Variants in KIF26B observed in about 807,000 individuals in gnomAD.
KIF26B encodes the protein kinesin-like protein KIF26B.
Under a neutral mutation model 151.2 loss-of-function variants are expected in KIF26B, and 63 were observed. The observed-to-expected ratio is 0.42, with a 90% CI of 0.34 to 0.51. The LOEUF is 0.51. KIF26B is among the 20% of genes least tolerant of loss of function. The pLI, the probability that KIF26B is intolerant of heterozygous loss-of-function variation, is 0.07. For synonymous variants in KIF26B, 1,357 were observed against 1,262.1 expected, an observed-to-expected ratio of 1.08 and a Z score of -1.59; for missense variants, 2,813 against 2,913.6, an observed-to-expected ratio of 0.97 and a Z score of 0.79.
chr1:245,593,309 T>C (rs1422477859), intron 5 of KIF26B, among the ~76,000 whole-genome samples: 6 of 152,150 alleles, frequency 3.9e-5, no homozygotes, highest in African/African-American at 7.2e-5. Flanking sequence ...CTCCTAATGC[T>C]ATCCCTCCCC....
chr1:245,157,966 T>C (rs986344421), intron 2 of KIF26B, among the ~76,000 whole-genome samples: 1 of 152,254 alleles, frequency 6.6e-6, no homozygotes, highest in African/African-American at 2.4e-5. Flanking sequence ...GGTCCATTCA[T>C]GCAGTCCTTG....
intron 4 of KIF26B, among the ~76,000 whole-genome samples, chr1:245,427,900 A>G (rs529874483): frequency 6.6e-6 from 1 of 152,262 alleles, no homozygotes; most frequent in East Asian, 1.9e-4. Flanking sequence ...GGTCGGGGCC[A>G]ACATGCATAA....
At chr1:245,533,929 A>G (rs1409703089) in intron 4 of KIF26B, among the ~76,000 whole-genome samples, 3 of 151,778 alleles carry the variant, frequency 2.0e-5, no homozygotes, top group Non-Finnish European at 1.5e-5. Context: ...GATCTGGCCA[A>G]TGAGAGCAAG....
chr1:245,446,526 G>A (rs1164940553), intron 4 of KIF26B, among the ~76,000 whole-genome samples: 1 of 152,176 alleles, frequency 6.6e-6, no homozygotes, highest in African/African-American at 2.4e-5. Context: ...GGCTCAGGAA[G>A]GCATCGTGTC....
At chr1:245,525,103 T>C (rs972166557) in intron 4 of KIF26B, among the ~76,000 whole-genome samples, 9 of 152,110 alleles carry the variant, frequency 5.9e-5, no homozygotes, top group African/African-American at 1.2e-4. Flanking sequence ...TGCACCTCCC[T>C]GGGTCATCTC....
chr1:245,613,154 A>G (rs1020987165), intron 9 of KIF26B, among the ~76,000 whole-genome samples: 1 of 152,194 alleles, frequency 6.6e-6, no homozygotes, highest in Non-Finnish European at 1.5e-5. Flanking sequence ...ACTGGCTCCC[A>G]GCGCTTTCTG....
rs571410332 is a variant in KIF26B, at chr1:245,496,132, A to G, written c.1167-44635A>G. ...CAGGAAGGAATGAAAGCTGACAGAA[A>G]GGGTCAACATGTGGTTAAGTTCAAA... is the stretch of plus-strand genomic sequence containing the variant. On this transcript the variant is annotated intron_variant, in intron 4 of 14. Coordinates refer to ENST00000407071, the MANE Select transcript of KIF26B (RefSeq NM_018012.4). Among the ~76,000 whole-genome samples, 15 of 152,354 alleles carry G rather than the reference A, an allele frequency of 9.8e-5. No homozygotes were observed. In the East Asian group the frequency reaches 2.9e-3, roughly 29 times the overall value.
rs181984858 is a variant in KIF26B, at chr1:245,427,333, C to T, written c.1166+7588C>T. 4.5e-4 allele frequency among the ~76,000 whole-genome samples: 68 copies of T among 152,282 alleles called. 1 individual carries two copies. The highest frequency in any genetic ancestry group is 1.6e-3 in the African/African-American group (65 of 41,576). On this transcript the variant is annotated intron_variant, in intron 4 of 14. Coordinates refer to ENST00000407071, the MANE Select transcript of KIF26B (RefSeq NM_018012.4). Reference sequence around the variant, plus strand: ...CCTTTACAAAAACAAACAGGCCAGGCGTGGTGGCTCACACCTGTAATCCCA... The same window carrying T: ...CCTTTACAAAAACAAACAGGCCAGGTGTGGTGGCTCACACCTGTAATCCCA...
At chr1:245,257,125 G>A (rs922774728) in intron 2 of KIF26B, among the ~76,000 whole-genome samples, 5 of 152,006 alleles carry the variant, frequency 3.3e-5, no homozygotes, top group African/African-American at 1.2e-4. Flanking sequence ...ATTGATTCCA[G>A]GTCTTTAGAT....
chr1:245,532,401 A>G (rs897528223), intron 4 of KIF26B, among the ~76,000 whole-genome samples: 18 of 151,608 alleles, frequency 1.2e-4, no homozygotes, highest in South Asian at 4.2e-4. Flanking sequence ...GCCCGCCACC[A>G]TGCCCAGCTA....
chr1:245,510,576 T>TTCTCTCTCTCTCTC lies in KIF26B; in HGVS notation c.1167-30165_1167-30152dup, dbSNP rs4021193. On this transcript the variant is annotated intron_variant, in intron 4 of 14. Transcript: ENST00000407071. The stretch of plus-strand genomic sequence containing the variant: ...TCTCGGCTGTCTCTTTTAGCAGAGC[T>TTCTCTCTCTCTCTC]TCTCTCTCTCTCTCTCTCTCTCTCT... Among the ~76,000 whole-genome samples, 87 of 134,100 alleles carry TTCTCTCTCTCTCTC rather than the reference T, an allele frequency of 6.5e-4. 1 individual carries two copies. The highest frequency in any genetic ancestry group is 2.1e-3 in the African/African-American group (73 of 33,998). The allele number at this position is 134,100 out of a possible 152,430, so 88.0% of individuals were successfully genotyped here. A position where few individuals can be genotyped will look rare whatever the true frequency, so the allele number is the denominator to read the frequency against.
At position 245,620,008 on chromosome 1, in the gene KIF26B, C is replaced by T. The variant is rs531193995; in HGVS notation, c.2098+8032C>T. ...AGTAAGACCACCCAATTACCTTTCA[C>T]GTAAGCAGATGGTATTAGGTCAGAG... On this transcript the variant is annotated intron_variant, in intron 9 of 14. Coordinates refer to ENST00000407071, the MANE Select transcript of KIF26B (RefSeq NM_018012.4). Among the ~76,000 whole-genome samples, 264 of 151,908 alleles carry T rather than the reference C, an allele frequency of 1.7e-3. 1 individual carries two copies. Among genetic ancestry groups the T allele is most frequent in the Non-Finnish European group, 3.4e-3 (230 of 67,986 alleles).
intron 3 of KIF26B, among the ~76,000 whole-genome samples, chr1:245,406,824 G>A (rs1050839067): frequency 3.9e-5 from 6 of 152,002 alleles, no homozygotes; most frequent in African/African-American, 1.4e-4. Context: ...GTCTTGCCCT[G>A]TCACCCAGGC....
chr1:245,311,560 C>G (rs1038498110), intron 2 of KIF26B, among the ~76,000 whole-genome samples: 1 of 151,760 alleles, frequency 6.6e-6, no homozygotes, highest in African/African-American at 2.4e-5. Flanking sequence ...AGAGATCACA[C>G]CACTGCACTC....
rs2153603 is a variant in KIF26B at position 245,689,651 on chromosome 1, A to G, written c.5824+844A>G. ...TGCCAAACTGCAACCTCTGCTTCCT[A>G]TGTTCAAGTGATTCTCCTGCTTCAG... On this transcript the variant is annotated intron_variant, in intron 12 of 14. Coordinates refer to ENST00000407071, the MANE Select transcript of KIF26B (RefSeq NM_018012.4). Among the ~76,000 whole-genome samples, 57 of 152,180 alleles carry G rather than the reference A, an allele frequency of 3.7e-4. No homozygotes were observed. In the East Asian group the frequency reaches 0.01, roughly 27 times the overall value.
chr1:245,244,756 TCACACACACACACACACA>T lies in KIF26B; in HGVS notation c.465+88092_465+88109del, dbSNP rs55638619. On this transcript the variant is annotated intron_variant, in intron 2 of 14. Transcript: ENST00000407071. This position sits in a 1 kb window ranked among gnomAD's most constrained non-coding sequence, Gnocchi z 4.2. ...AGAAGGAACACACAGACACGCACAC[TCACACACACACACACACA>T]CACACACACACACACACAGAACTGC... is the stretch of plus-strand genomic sequence containing the variant. Among the ~76,000 whole-genome samples, 708 of 144,464 alleles carry T rather than the reference TCACACACACACACACACA, an allele frequency of 4.9e-3. 4 individuals are homozygous for T. Among genetic ancestry groups the T allele is most frequent in the African/African-American group, 0.017 (684 of 39,234 alleles). 94.8% of individuals were successfully genotyped at this position (144,464 alleles called of 152,430 possible). A position where few individuals can be genotyped will look rare whatever the true frequency, so the allele number is the denominator to read the frequency against.
At chr1:245,627,264 C>T (rs530938308) in intron 9 of KIF26B, among the ~76,000 whole-genome samples, 47 of 152,174 alleles carry the variant, frequency 3.1e-4, no homozygotes, top group African/African-American at 1.1e-3. Flanking sequence ...ATGGATATTT[C>T]GACAGAGACT....
At chr1:245,631,296 G>A (rs1366787961) in intron 9 of KIF26B, among the ~76,000 whole-genome samples, 1 of 152,114 alleles carries the variant, frequency 6.6e-6, no homozygotes, top group Non-Finnish European at 1.5e-5. Context: ...GCTGAGGCAT[G>A]TTTTTTCTAT....
chr1:245,696,834 G>T (rs2044701340), intron 12 of KIF26B, among the ~76,000 whole-genome samples: 1 of 152,212 alleles, frequency 6.6e-6, no homozygotes, highest in Admixed American at 6.5e-5. Context: ...TTTTGGCCGG[G>T]CACAGTGGCT....
Sources: gnomAD v4.1 joint callset for allele counts (sites outside exome capture counted in the v4.1 genomes callset) on GRCh38, gnomAD v4.1.1 for gene constraint, Gnocchi (gnomAD v3.1) non-coding constraint, MANE v1.5 for transcripts, NCBI Gene and HGNC (gene_info 2026-07-23, HGNC 2026-07-21) for gene names.